Variants in PRKCA observed in about 807,000 individuals in gnomAD.
PRKCA encodes the protein protein kinase C alpha type.
PRKCA carries 27 observed loss-of-function variants against 87.0 expected under a neutral mutation model. The ratio of observed to expected loss-of-function variants is 0.31; its 90% CI spans 0.23 to 0.43. The LOEUF is 0.43. PRKCA is among the 20% of genes least tolerant of loss of function. The probability of loss-of-function intolerance (pLI) is 1.00; values close to 1 mark genes in which losing one functional copy is unlikely to be tolerated. For missense variants in PRKCA, 518 were observed against 852.3 expected, an observed-to-expected ratio of 0.61 and a Z score of 4.88; for synonymous variants, 329 against 311.1, an observed-to-expected ratio of 1.06 and a Z score of -0.61.
intron 2 of PRKCA, among the ~76,000 whole-genome samples, chr17:66,429,756 G>A (rs1047683395): frequency 2.0e-5 from 3 of 152,130 alleles, no homozygotes; most frequent in African/African-American, 7.2e-5. Flanking sequence ...TTAGGCAAAG[G>A]TAGAGTCCAT....
At chr17:66,387,257 G>A (rs1910113814) in intron 2 of PRKCA, among the ~76,000 whole-genome samples, 1 of 152,190 alleles carries the variant, frequency 6.6e-6, no homozygotes, top group Non-Finnish European at 1.5e-5. Context: ...CTTGAGCTAT[G>A]AATAATATGT....
chr17:66,311,816 G>A (rs1239582423), intron 2 of PRKCA, among the ~76,000 whole-genome samples: 1 of 151,972 alleles, frequency 6.6e-6, no homozygotes. Context: ...TACTTTATAC[G>A]GTAAGTGAAA....
chr17:66,456,646 G>A (rs898590631), intron 2 of PRKCA, among the ~76,000 whole-genome samples: 2 of 152,186 alleles, frequency 1.3e-5, no homozygotes, highest in African/African-American at 4.8e-5. Flanking sequence ...CTTCTCTGCT[G>A]TTGGAGATTA....
At chr17:66,368,752 A>G (rs1349032858) in intron 2 of PRKCA, among the ~76,000 whole-genome samples, 1 of 152,100 alleles carries the variant, frequency 6.6e-6, no homozygotes, top group Non-Finnish European at 1.5e-5. Context: ...GGTGCTTCCT[A>G]TGGGAAGATA....
chr17:66,760,701 A>G (rs1464024979), intron 13 of PRKCA, among the ~76,000 whole-genome samples: 1 of 152,220 alleles, frequency 6.6e-6, no homozygotes, highest in Non-Finnish European at 1.5e-5. Context: ...GGACATCACT[A>G]CAGATCCCAT....
At chr17:66,510,288 G>A (rs1917167389) in intron 3 of PRKCA, among the ~76,000 whole-genome samples, 1 of 152,158 alleles carries the variant, frequency 6.6e-6, no homozygotes, top group African/African-American at 2.4e-5. Flanking sequence ...GGGGGAAAAG[G>A]TTTTTTGTGT....
At chr17:66,755,244 C>G (rs1344356188) in intron 13 of PRKCA, among the ~76,000 whole-genome samples, 1 of 152,206 alleles carries the variant, frequency 6.6e-6, no homozygotes, top group Non-Finnish European at 1.5e-5. Context: ...CCCCACGCCC[C>G]CCCAGTGCAC....
intron 13 of PRKCA, 23 bp downstream of exon 13, chr17:66,742,783 T>G (rs763302197): frequency 6.2e-7 from 1 of 1,610,562 alleles, no homozygotes; most frequent in Admixed American, 1.7e-5. Flanking sequence ...GTGATCGTTT[T>G]CTCAACCAGG....
intron 5 of PRKCA, among the ~76,000 whole-genome samples, chr17:66,668,576 G>A (rs1302284102): frequency 6.6e-6 from 1 of 152,210 alleles, no homozygotes; most frequent in African/African-American, 2.4e-5. Context: ...TGTCCCAGTA[G>A]ACAGTGGATA....
chr17:66,497,284 G>A (rs1030938414), intron 3 of PRKCA, among the ~76,000 whole-genome samples: 2 of 152,082 alleles, frequency 1.3e-5, no homozygotes, highest in Non-Finnish European at 2.9e-5. Flanking sequence ...GATCACCTGA[G>A]GTCGAGAGTT....
intron 3 of PRKCA, among the ~76,000 whole-genome samples, chr17:66,531,758 T>G (rs1183684280): frequency 6.6e-6 from 1 of 152,200 alleles, no homozygotes; most frequent in Non-Finnish European, 1.5e-5. Flanking sequence ...GCCTCAGTCC[T>G]CAGGGTGTCA....
intron 2 of PRKCA, among the ~76,000 whole-genome samples, chr17:66,335,029 C>T (rs1472714105): frequency 6.6e-6 from 1 of 152,136 alleles, no homozygotes; most frequent in Non-Finnish European, 1.5e-5. Context: ...GTTTCACTTA[C>T]ATGAGTTATA....
At chr17:66,410,748 G>A (rs1911742610) in intron 2 of PRKCA, among the ~76,000 whole-genome samples, 1 of 152,178 alleles carries the variant, frequency 6.6e-6, no homozygotes, top group African/African-American at 2.4e-5. Flanking sequence ...GCTAATTTTT[G>A]TATTTTTAGT....
At chr17:66,739,403 G>T (rs1164874865) in intron 11 of PRKCA, among the ~76,000 whole-genome samples, 1 of 152,192 alleles carries the variant, frequency 6.6e-6, no homozygotes, top group Non-Finnish European at 1.5e-5. Flanking sequence ...CTTGTTGATG[G>T]AGTTATTCTT....
chr17:66,433,670 G>A (rs1166616082), intron 2 of PRKCA, among the ~76,000 whole-genome samples: 1 of 151,982 alleles, frequency 6.6e-6, no homozygotes, highest in African/African-American at 2.4e-5. Context: ...ACAGCCTCCC[G>A]AGTAGCTGGG....
chr17:66,611,128 T>G (rs1350677980), intron 3 of PRKCA, among the ~76,000 whole-genome samples: 1 of 151,814 alleles, frequency 6.6e-6, no homozygotes, highest in Non-Finnish European at 1.5e-5. Flanking sequence ...GGGGGAGGAG[T>G]CCAAGTGAAT....
At chr17:66,636,944 A>G (rs919967697) in intron 3 of PRKCA, among the ~76,000 whole-genome samples, 3 of 152,198 alleles carry the variant, frequency 2.0e-5, no homozygotes, top group African/African-American at 4.8e-5. Context: ...ATTGCTGATC[A>G]ACAAACAGCT....
chr17:66,703,304 ATTT>A (rs979738114), intron 8 of PRKCA: 1 of 150,540 alleles, frequency 6.6e-6, no homozygotes, highest in African/African-American at 2.4e-5. Context: ...CTGTTAAAAA[ATTT>A]TTTTTTTGAC....
intron 3 of PRKCA, among the ~76,000 whole-genome samples, chr17:66,633,538 A>C (rs1360320338): frequency 6.6e-6 from 1 of 152,190 alleles, no homozygotes; most frequent in African/African-American, 2.4e-5. Flanking sequence ...TCAAGGAGGC[A>C]TACTGCTCTG....
Sources: gnomAD v4.1 joint callset for allele counts (sites outside exome capture counted in the v4.1 genomes callset) on GRCh38, gnomAD v4.1.1 for gene constraint, MANE v1.5 for transcripts, NCBI Gene and HGNC (gene_info 2026-07-23, HGNC 2026-07-21) for gene names.